SYNE2: variants seen among roughly 807,000 people sequenced by gnomAD.
SYNE2 encodes the protein nesprin-2.
A neutral mutation model predicts 856.3 loss-of-function variants in SYNE2; 431 were observed. The ratio of observed to expected loss-of-function variants is 0.50; its 90% confidence interval spans 0.47 to 0.55. The LOEUF is 0.55. SYNE2 is among the 20% of genes least tolerant of loss of function. SYNE2 has a pLI of 0.00. For missense variants in SYNE2, 8,129 were observed against 8,023.2 expected, an observed-to-expected ratio of 1.01 and a Z score of -0.50; for synonymous variants, 2,923 against 2,872.3, an observed-to-expected ratio of 1.02 and a Z score of -0.56.
intron 45 of SYNE2, among the ~76,000 whole-genome samples, chr14:64,037,921 C>A (rs1049879781): frequency 3.3e-5 from 5 of 151,434 alleles, no homozygotes; most frequent in African/African-American, 4.9e-5. Context: ...CCGGACCGGG[C>A]GGCTGGCCGG....
chr14:63,859,748 G>A (rs903886911), intron 1 of SYNE2, among the ~76,000 whole-genome samples: 6 of 152,160 alleles, frequency 3.9e-5, no homozygotes, highest in African/African-American at 1.2e-4. Flanking sequence ...CTCAGGGGGT[G>A]GAGGTTACAG....
chr14:64,223,508 G>C (rs1464094247), intron 113 of SYNE2, 128 bp downstream of exon 113: 1 of 964,004 alleles, frequency 1.0e-6, no homozygotes, highest in African/African-American at 1.6e-5. Context: ...GGGGCCTCAT[G>C]TCGTGCCCTT....
Position 64,225,613 on chromosome 14 carries a change from G to GTGTT in SYNE2, c.*88_*91dup. 1 of 1,424,688 alleles carries GTGTT rather than the reference G, an allele frequency of 7.0e-7. No individual in the cohort carries two copies. The highest frequency in any genetic ancestry group is 9.8e-7 in the Non-Finnish European group (1 of 1,024,696). The allele number at this position is 1,424,688 out of a possible 1,614,324, so 88.3% of individuals were successfully genotyped here. A position where few individuals can be genotyped will look rare whatever the true frequency, so the allele number is the denominator to read the frequency against. On this transcript the variant is annotated 3_prime_UTR_variant, in exon 116 of 116. Coordinates refer to ENST00000555002, the MANE Select transcript of SYNE2 (RefSeq NM_182914.3). ...GCCCCAGACCAATCTGAGTGACTTA[G>GTGTT]TGTTGGCAAGGTCCCGGGACCTGTG...
rs369076401 is a variant in SYNE2 at position 64,000,193 on chromosome 14, T to A, written c.3481-369T>A. On this transcript the variant is annotated intron_variant, in intron 27 of 115. Transcript: ENST00000555002. ...AGAAACAGTTTTGGTTCACTTCAGT[T>A]TTCTTTTAGTTTAGAAGGTAAGAAA... 1.5e-3 allele frequency among the ~76,000 whole-genome samples: 233 copies of A among 152,362 alleles called. 1 individual carries two copies. Among genetic ancestry groups the A allele is most frequent in the Non-Finnish European group, 2.5e-3 (170 of 68,036 alleles).
intron 61 of SYNE2, among the ~76,000 whole-genome samples, chr14:64,093,976 A>T (rs1365396524): frequency 6.6e-6 from 1 of 152,214 alleles, no homozygotes. Flanking sequence ...TACTATTGTA[A>T]TGAAGAATTC....
rs116679405 is a variant in SYNE2 at position 64,025,698 on chromosome 14, T to C, written c.6252+277T>C. On this transcript the variant is annotated intron_variant, in intron 41 of 115. Coordinates refer to ENST00000555002, the MANE Select transcript of SYNE2 (RefSeq NM_182914.3). Reference sequence around the variant, plus strand: ...TGCAGAAGAATTGAAATAAAGACAATGAATCAGAGCTGCTAGTGGGAGGGA... The same window carrying C: ...TGCAGAAGAATTGAAATAAAGACAACGAATCAGAGCTGCTAGTGGGAGGGA... Among the ~76,000 whole-genome samples the C allele has an allele frequency of 4.4e-3, 675 of 152,248 alleles. 2 individuals carry two copies. The highest frequency in any genetic ancestry group is 0.015 in the African/African-American group (639 of 41,540).
intron 47 of SYNE2, among the ~76,000 whole-genome samples, chr14:64,051,206 C>T (rs1237213485): frequency 6.6e-6 from 1 of 152,022 alleles, no homozygotes; most frequent in Non-Finnish European, 1.5e-5. Flanking sequence ...CCTAGACTAA[C>T]CTTTATACAA....
chr14:63,991,911 G>A (rs2096669537), intron 21 of SYNE2, among the ~76,000 whole-genome samples: 1 of 152,074 alleles, frequency 6.6e-6, no homozygotes, highest in South Asian at 2.1e-4. Flanking sequence ...CCCTATAGGA[G>A]TCTCTCTTCA....
At chr14:64,086,283 G>A (rs1340939748) in intron 57 of SYNE2, among the ~76,000 whole-genome samples, 5 of 152,010 alleles carry the variant, frequency 3.3e-5, no homozygotes, top group East Asian at 1.9e-4. Context: ...AAATTACTTC[G>A]GCACTTTGTT....
At chr14:64,074,592 G>A (rs543187979) in intron 53 of SYNE2, among the ~76,000 whole-genome samples, 7 of 152,276 alleles carry the variant, frequency 4.6e-5, no homozygotes, top group Non-Finnish European at 1.0e-4. Context: ...ATGTTTGGAA[G>A]TTTATTCAAA....
chr14:64,096,662 G>A (rs780109147), intron 61 of SYNE2, among the ~76,000 whole-genome samples: 1 of 152,218 alleles, frequency 6.6e-6, no homozygotes, highest in African/African-American at 2.4e-5. Flanking sequence ...AGACAGAATA[G>A]GGGTATTGGC....
intron 1 of SYNE2, among the ~76,000 whole-genome samples, chr14:63,895,222 A>C (rs892669195): frequency 2.0e-5 from 3 of 150,672 alleles, no homozygotes; most frequent in African/African-American, 7.3e-5. Context: ...CTCCTGCCTC[A>C]GCCTCCAGAG....
At chr14:64,061,104 G>A (rs1389632301) in intron 49 of SYNE2, among the ~76,000 whole-genome samples, 2 of 152,274 alleles carry the variant, frequency 1.3e-5, no homozygotes, top group Admixed American at 1.3e-4. Flanking sequence ...GATTGCTCTC[G>A]TAATTTTTGG....
intron 66 of SYNE2, among the ~76,000 whole-genome samples, chr14:64,116,451 G>A (rs765231361): frequency 1.3e-5 from 2 of 151,896 alleles, no homozygotes; most frequent in African/African-American, 4.8e-5. Flanking sequence ...GTGAAGTCTC[G>A]CTCTCACCCA....
At chr14:64,018,436 G>A (rs151166498) in intron 34 of SYNE2, among the ~76,000 whole-genome samples, 5,330 of 152,196 alleles carry the variant, frequency 0.035, 321 homozygotes, top group African/African-American at 0.12. Context: ...TAGAGACGGG[G>A]TTTCACTATG....
At chr14:64,116,463 G>T (rs142805425) in intron 66 of SYNE2, among the ~76,000 whole-genome samples, 39 of 152,268 alleles carry the variant, frequency 2.6e-4, no homozygotes, top group African/African-American at 8.9e-4. Flanking sequence ...TCTCACCCAG[G>T]CTGGAGTGCA....
At chr14:63,867,754 A>C (rs373225436) in intron 1 of SYNE2, among the ~76,000 whole-genome samples, 9 of 151,578 alleles carry the variant, frequency 5.9e-5, no homozygotes, top group South Asian at 4.2e-4. Context: ...AGAGAGAAAG[A>C]AAGCAAGCCA....
At chr14:64,059,384 G>A (rs1271148581) in intron 49 of SYNE2, among the ~76,000 whole-genome samples, 1 of 152,206 alleles carries the variant, frequency 6.6e-6, no homozygotes, top group Admixed American at 6.5e-5. Context: ...CTGCTTACAG[G>A]ATACCCCAAG....
chr14:63,851,225 G>C (rs1890426008), upstream of SYNE2, among the ~76,000 whole-genome samples: 1 of 152,168 alleles, frequency 6.6e-6, no homozygotes, highest in South Asian at 2.1e-4. Context: ...GCCAGGCATG[G>C]TGGCGGGCGC....
Sources: allele counts gnomAD v4.1 joint callset (sites outside exome capture counted in the v4.1 genomes callset), GRCh38; gene constraint gnomAD v4.1.1; transcripts MANE v1.5; gene names NCBI Gene and HGNC (gene_info 2026-07-23, HGNC 2026-07-21).